Variants in TSHZ1 observed in about 807,000 individuals in gnomAD.
TSHZ1 encodes teashirt zinc finger homeobox 1.
A neutral mutation model predicts 67.1 loss-of-function variants in TSHZ1; 12 were observed. That is an observed-to-expected ratio of 0.18 (90% CI 0.11 to 0.29). TSHZ1 has a LOEUF of 0.29. Ranked by LOEUF, TSHZ1 falls within the 10% of genes least tolerant of loss-of-function variation. The pLI is 1.00. For missense variants in TSHZ1, 1,305 were observed against 1,413.9 expected, an observed-to-expected ratio of 0.92 and a Z score of 1.23; for synonymous variants, 632 against 622.4, an observed-to-expected ratio of 1.02 and a Z score of -0.23.
At chr18:75,227,249 T>C (rs1206193691) in intron 1 of TSHZ1, among the ~76,000 whole-genome samples, 2 of 151,488 alleles carry the variant, frequency 1.3e-5, no homozygotes, top group Non-Finnish European at 2.9e-5. Flanking sequence ...TTTTTTAGAG[T>C]CTGCCTAATA....
rs1313763778 is a variant in TSHZ1, at chr18:75,289,165, G to A, written c.*524G>A. The A allele has an allele frequency of 4.2e-5, 7 of 166,942 alleles. No homozygotes were observed. Among genetic ancestry groups the A allele is most frequent in the Non-Finnish European group, 8.8e-5 (6 of 68,166 alleles). 10.3% of individuals were successfully genotyped at this position (166,942 alleles called of 1,614,324 possible). ...AACTTATTTAATAATTAAAAAATGAGCTTTTATATGCAGAACTGGTTTGTG... is the reference window on the plus strand; with the variant it reads ...AACTTATTTAATAATTAAAAAATGAACTTTTATATGCAGAACTGGTTTGTG... On this transcript the variant is annotated 3_prime_UTR_variant, in exon 2 of 2. Coordinates refer to ENST00000580243, the MANE Select transcript of TSHZ1 (RefSeq NM_001308210.2).
At chr18:75,250,392 CT>C (rs1402821030) in intron 1 of TSHZ1, among the ~76,000 whole-genome samples, 6 of 152,242 alleles carry the variant, frequency 3.9e-5, no homozygotes, top group Admixed American at 6.5e-5. Context: ...TTGCCTCCCC[CT>C]GTGGGCTCTC....
intron 1 of TSHZ1, among the ~76,000 whole-genome samples, chr18:75,230,964 G>T (rs2022990863): frequency 6.6e-6 from 1 of 152,166 alleles, no homozygotes; most frequent in Non-Finnish European, 1.5e-5. Context: ...AAATAAGCCA[G>T]TTAAAAAAAA....
chr18:75,226,451 C>T (rs889729249), intron 1 of TSHZ1, among the ~76,000 whole-genome samples: 4 of 152,134 alleles, frequency 2.6e-5, no homozygotes, highest in Non-Finnish European at 5.9e-5. Context: ...GGTCTGGCTA[C>T]AAGTTAGAGT....
At position 75,211,848 on chromosome 18, in the gene TSHZ1, T is replaced by TGAGGCGACGGCTGCGGCGGCC. The variant is rs1356323305; in HGVS notation, c.-25_-5dup. Reference sequence around the variant, plus strand: ...GCGCCCCGCGAACTCCGGCGGCGGCTGAGGCGACGGCTGCGGCGGCCGAGC... The same window carrying TGAGGCGACGGCTGCGGCGGCC: ...GCGCCCCGCGAACTCCGGCGGCGGCTGAGGCGACGGCTGCGGCGGCCGAGGCGACGGCTGCGGCGGCCGAGC... On this transcript the variant is annotated 5_prime_UTR_variant, in exon 1 of 2. Coordinates refer to ENST00000580243, the MANE Select transcript of TSHZ1 (RefSeq NM_001308210.2). 8.7e-7 allele frequency: 1 copy of TGAGGCGACGGCTGCGGCGGCC among 1,154,100 alleles called. No homozygotes were observed. Among genetic ancestry groups the TGAGGCGACGGCTGCGGCGGCC allele is most frequent in the African/African-American group, 1.6e-5 (1 of 61,120 alleles). 71.5% of individuals were successfully genotyped at this position (1,154,100 alleles called of 1,614,324 possible).
At chr18:75,277,765 C>T (rs150232113) in intron 1 of TSHZ1, among the ~76,000 whole-genome samples, 6 of 152,164 alleles carry the variant, frequency 3.9e-5, no homozygotes, top group East Asian at 1.9e-4. Context: ...AATTCGAGGG[C>T]GGGGATACAA....
chr18:75,251,074 T>C (rs753617590), intron 1 of TSHZ1, among the ~76,000 whole-genome samples: 4 of 152,248 alleles, frequency 2.6e-5, no homozygotes, highest in Non-Finnish European at 5.9e-5. Flanking sequence ...CTTTTGTCAG[T>C]GTGTTCTTCT....
chr18:75,277,808 GT>G (rs1474136622), intron 1 of TSHZ1, among the ~76,000 whole-genome samples: 3 of 152,214 alleles, frequency 2.0e-5, no homozygotes, highest in African/African-American at 7.2e-5. Context: ...CAAGCACACA[GT>G]TGGGCCACAT....
chr18:75,281,440 C>T lies in TSHZ1; in HGVS notation c.41-4008C>T, dbSNP rs1458955770. On this transcript the variant is annotated intron_variant, in intron 1 of 1. Coordinates refer to ENST00000580243, the MANE Select transcript of TSHZ1 (RefSeq NM_001308210.2). The surrounding 1 kb of genome is among the most constrained non-coding windows in gnomAD (Gnocchi z 5.3). Reference sequence around the variant, plus strand: ...CAACGTAGGTGTGATGTGGAGCACCCGTGTCACATTAGATCTGTGGCAGAA... The same window carrying T: ...CAACGTAGGTGTGATGTGGAGCACCTGTGTCACATTAGATCTGTGGCAGAA... Among the ~76,000 whole-genome samples, 1 of 152,124 alleles carries T rather than the reference C, an allele frequency of 6.6e-6. No homozygotes were observed. Among genetic ancestry groups the T allele is most frequent in the Non-Finnish European group, 1.5e-5 (1 of 68,018 alleles).
At position 75,211,734 on chromosome 18, in the gene TSHZ1, C is replaced by T. The variant is rs2022693427; in HGVS notation, c.-143C>T. 1 of 355,508 alleles carries T rather than the reference C, an allele frequency of 2.8e-6. No individual in the cohort carries two copies. Among genetic ancestry groups the T allele is most frequent in the Non-Finnish European group, 3.9e-6 (1 of 258,404 alleles). 22.0% of individuals were successfully genotyped at this position (355,508 alleles called of 1,614,324 possible). On this transcript the variant is annotated 5_prime_UTR_variant, in exon 1 of 2. Transcript: ENST00000580243. ...CATGCGAGCGGCTCCCCGCGGTCCG[C>T]GGCGCGCCCGGAGCCCGGAGCCCGC...
At chr18:75,256,963 G>A (rs1348899081) in intron 1 of TSHZ1, among the ~76,000 whole-genome samples, 1 of 151,422 alleles carries the variant, frequency 6.6e-6, no homozygotes, top group East Asian at 1.9e-4. Context: ...CACTTATGGG[G>A]AAATGCTGCT....
chr18:75,288,491 C>G lies in TSHZ1; in HGVS notation c.3084C>G (p.Ala1028=). 1 of 1,614,122 alleles carries G rather than the reference C, an allele frequency of 6.2e-7. No individual in the cohort carries two copies. Among genetic ancestry groups the G allele is most frequent in the Non-Finnish European group, 8.5e-7 (1 of 1,180,034 alleles). ...LTNKTLGPLG[A]TEEDLGSTFQ... is the part of the protein sequence containing the mutation. ...ACAAAACTCTGGGCCCACTGGGGGC[C>G]ACCGAGGAAGACTTGGGCTCCACAT... Residue 1028 remains alanine, a synonymous_variant, in exon 2 of 2, where the codon GCC becomes GCG. Coordinates refer to ENST00000580243, the MANE Select transcript of TSHZ1 (RefSeq NM_001308210.2). This position sits in a 1 kb window ranked among gnomAD's most constrained non-coding sequence, Gnocchi z 4.9.
At chr18:75,241,051 A>T (rs1440040886) in intron 1 of TSHZ1, among the ~76,000 whole-genome samples, 2 of 152,166 alleles carry the variant, frequency 1.3e-5, no homozygotes, top group East Asian at 3.9e-4. Context: ...TTTTCTGGCC[A>T]TGGGACAGTC....
rs1295041559 is a variant in TSHZ1, at chr18:75,286,175, C to T, written c.768C>T (p.Asp256=). ...GCAAAGACTGCAGTGCCGCGTACGA[C>T]ACGCTGGTGGAACTGACGGTGCACA... The part of the protein sequence containing the change: ...FRCKDCSAAY[D]TLVELTVHMN... Residue 256 remains aspartate, a synonymous_variant, in exon 2 of 2, where the codon GAC becomes GAT. Transcript: ENST00000580243. The surrounding 1 kb of genome is among the most constrained non-coding windows in gnomAD (Gnocchi z 5.1). The T allele has an allele frequency of 1.2e-6, 2 of 1,614,016 alleles. No homozygotes were observed. Among genetic ancestry groups the T allele is most frequent in the East Asian group, 4.5e-5 (2 of 44,886 alleles).
At chr18:75,278,318 G>T (rs2581641) in intron 1 of TSHZ1, among the ~76,000 whole-genome samples, 83,797 of 151,880 alleles carry the variant, frequency 0.55, 23,490 homozygotes, top group East Asian at 0.78. Flanking sequence ...TGATACAGAC[G>T]TAGCAAAATC....
chr18:75,256,052 T>G (rs2023358541), intron 1 of TSHZ1, among the ~76,000 whole-genome samples: 2 of 152,242 alleles, frequency 1.3e-5, no homozygotes, highest in South Asian at 4.1e-4. Flanking sequence ...CTCAAATGAC[T>G]TTAAATAGGC....
intron 1 of TSHZ1, among the ~76,000 whole-genome samples, chr18:75,259,407 T>A (rs1362238052): frequency 6.6e-6 from 1 of 152,188 alleles, no homozygotes; most frequent in Non-Finnish European, 1.5e-5. Flanking sequence ...TTTTAAGTTG[T>A]GTGCCATTCT....
chr18:75,214,997 TTG>T (rs2022747811), intron 1 of TSHZ1, among the ~76,000 whole-genome samples: 12 of 152,138 alleles, frequency 7.9e-5, no homozygotes, highest in Admixed American at 7.9e-4. Flanking sequence ...CAAATGGACT[TTG>T]CTACCTGACT....
chr18:75,274,477 C>A (rs1359688683), intron 1 of TSHZ1, among the ~76,000 whole-genome samples: 2 of 152,144 alleles, frequency 1.3e-5, no homozygotes, highest in East Asian at 3.9e-4. Flanking sequence ...TGTATTCATT[C>A]CCCTGGTAAA....
Sources: gnomAD v4.1 joint callset for allele counts (sites outside exome capture counted in the v4.1 genomes callset) on GRCh38, gnomAD v4.1.1 for gene constraint, Gnocchi (gnomAD v3.1) non-coding constraint, MANE v1.5 for transcripts, NCBI Gene and HGNC (gene_info 2026-07-23, HGNC 2026-07-21) for gene names.